UBXN7: variants seen among roughly 807,000 people sequenced by gnomAD.
UBXN7 encodes the protein UBX domain-containing protein 7.
A neutral mutation model predicts 58.0 loss-of-function variants in UBXN7; 9 were observed. The observed-to-expected ratio is 0.16, with a 90% CI of 0.09 to 0.27. The LOEUF is 0.27. Ranked by LOEUF, UBXN7 falls within the 10% of genes least tolerant of loss-of-function variation. UBXN7 has a pLI of 1.00. For missense variants in UBXN7, 328 were observed against 599.6 expected (o/e 0.55, Z 4.73); for synonymous variants, 208 against 205.0 (o/e 1.01, Z -0.12).
intron 3 of UBXN7, among the ~76,000 whole-genome samples, chr3:196,399,481 G>T (rs1729891064): frequency 1.3e-5 from 2 of 151,992 alleles, no homozygotes; most frequent in Admixed American, 1.3e-4. Context: ...CTGTTATACA[G>T]GCTGCAGTGC....
At chr3:196,369,326 C>G in intron 7 of UBXN7, 95 bp downstream of exon 7, 2 of 1,036,174 alleles carry the variant, frequency 1.9e-6, no homozygotes, top group Non-Finnish European at 2.9e-6. Context: ...TACTGCAATT[C>G]TGAAAACAGA....
intron 1 of UBXN7, among the ~76,000 whole-genome samples, chr3:196,418,167 G>A (rs1472138437): frequency 1.3e-5 from 2 of 151,960 alleles, no homozygotes; most frequent in Admixed American, 1.3e-4. Context: ...AACCCAGGAG[G>A]CAGAGGTTGC....
intron 6 of UBXN7, among the ~76,000 whole-genome samples, chr3:196,371,658 T>G (rs888605251): frequency 6.6e-6 from 1 of 152,142 alleles, no homozygotes; most frequent in Non-Finnish European, 1.5e-5. Context: ...ATTTTTTGTA[T>G]TTTTAGGAGA....
chr3:196,424,549 A>AT (rs1560245913), intron 1 of UBXN7, among the ~76,000 whole-genome samples: 1 of 149,460 alleles, frequency 6.7e-6, no homozygotes, highest in Non-Finnish European at 1.5e-5. Flanking sequence ...GGCCCAGTTA[A>AT]TTTTTTTTTA....
At chr3:196,379,079 T>C (rs1485161883) in intron 5 of UBXN7, among the ~76,000 whole-genome samples, 1 of 134,484 alleles carries the variant, frequency 7.4e-6, no homozygotes, top group African/African-American at 2.8e-5. Flanking sequence ...TGGGGGGTTT[T>C]AGCCAGCTTC....
At chr3:196,365,059 G>C (rs1577434728) in intron 8 of UBXN7, among the ~76,000 whole-genome samples, 1 of 118,574 alleles carries the variant, frequency 8.4e-6, no homozygotes, top group Non-Finnish European at 2.1e-5. Context: ...ATTCTCCTCT[G>C]ATTTCCTTAC....
intron 1 of UBXN7, 129 bp from the exon 2 acceptor site, chr3:196,407,522 T>C: frequency 7.6e-7 from 1 of 1,313,562 alleles, no homozygotes; most frequent in Non-Finnish European, 1.0e-6. Flanking sequence ...ATGACTTTCT[T>C]GTGAAATACA....
chr3:196,399,225 T>G (rs147977188), intron 3 of UBXN7, among the ~76,000 whole-genome samples: 2 of 152,252 alleles, frequency 1.3e-5, no homozygotes, highest in African/African-American at 2.4e-5. Context: ...AACTGTGTAC[T>G]CAAGGATCAG....
intron 7 of UBXN7, 151 bp from the exon 8 acceptor site, chr3:196,368,306 TC>T (rs1728724699): frequency 2.9e-6 from 2 of 690,242 alleles, no homozygotes; most frequent in South Asian, 4.0e-5. Flanking sequence ...AAAACCTGGA[TC>T]TATAAAGGTA....
At chr3:196,378,772 T>C (rs1387042164) in intron 5 of UBXN7, among the ~76,000 whole-genome samples, 2 of 151,700 alleles carry the variant, frequency 1.3e-5, no homozygotes, top group African/African-American at 2.4e-5. Context: ...CTTCTTTCCA[T>C]GTTGGTTTTG....
At chr3:196,404,466 G>A (rs780841692) in intron 2 of UBXN7, among the ~76,000 whole-genome samples, 22 of 151,962 alleles carry the variant, frequency 1.4e-4, no homozygotes, top group African/African-American at 3.4e-4. Context: ...GTTTCACTGC[G>A]TTAGCCAGGA....
At chr3:196,358,941 G>A (rs1015075513) in intron 10 of UBXN7, among the ~76,000 whole-genome samples, 2 of 151,826 alleles carry the variant, frequency 1.3e-5, no homozygotes, top group Admixed American at 1.3e-4. Context: ...GATTACAGGA[G>A]TGAGCCACTG....
intron 5 of UBXN7, among the ~76,000 whole-genome samples, chr3:196,374,035 CCTTATAGG>C (rs1418898051): frequency 6.6e-6 from 1 of 152,140 alleles, no homozygotes; most frequent in African/African-American, 2.4e-5. Context: ...CCATTTACTT[CCTTATAGG>C]ACAAAGATTT....
At chr3:196,404,725 A>G (rs528690346) in intron 2 of UBXN7, among the ~76,000 whole-genome samples, 19 of 152,364 alleles carry the variant, frequency 1.2e-4, no homozygotes, top group African/African-American at 4.6e-4. Context: ...GAAATTTCCA[A>G]TAAACCAAGT....
In UBXN7 at chr3:196,349,432, AT is replaced by A. The variant is rs1166512844; in HGVS notation, c.*7252del. 3 of 152,216 alleles carry A rather than the reference AT, an allele frequency of 2.0e-5. No individual in the cohort carries two copies. Among genetic ancestry groups the A allele is most frequent in the Non-Finnish European group, 4.4e-5 (3 of 68,042 alleles). 9.4% of individuals were successfully genotyped at this position (152,216 alleles called of 1,614,324 possible). Reference sequence around the variant, plus strand: ...TTATCAAAAAGTTATTGTTAAAAGCATATGATTAGTGTCATAAACATATTTA... The same window carrying A: ...TTATCAAAAAGTTATTGTTAAAAGCAATGATTAGTGTCATAAACATATTTA... On this transcript the variant is annotated 3_prime_UTR_variant, in exon 11 of 11. Coordinates refer to ENST00000296328, the MANE Select transcript of UBXN7 (RefSeq NM_015562.2).
At chr3:196,359,088 C>T (rs146596389) in intron 10 of UBXN7, among the ~76,000 whole-genome samples, 59 of 152,250 alleles carry the variant, frequency 3.9e-4, no homozygotes, top group African/African-American at 1.3e-3. Flanking sequence ...TGAAGGTCTG[C>T]GGCAACCTTG....
intron 5 of UBXN7, among the ~76,000 whole-genome samples, chr3:196,386,581 G>C (rs925859370): frequency 6.6e-6 from 1 of 151,984 alleles, no homozygotes; most frequent in Non-Finnish European, 1.5e-5. Flanking sequence ...AACAGACAAA[G>C]AGCCAAATCA....
At chr3:196,383,490 T>C (rs994972479) in intron 5 of UBXN7, among the ~76,000 whole-genome samples, 1 of 152,162 alleles carries the variant, frequency 6.6e-6, no homozygotes, top group Non-Finnish European at 1.5e-5. Flanking sequence ...ATCAACAGAA[T>C]ATACATTTCT....
rs554728533 is a variant in UBXN7, at chr3:196,385,768, G to A, written c.468+6045C>T. Among the ~76,000 whole-genome samples, 463 of 148,100 alleles carry A rather than the reference G, an allele frequency of 3.1e-3. 3 individuals are homozygous for A. Among genetic ancestry groups the A allele is most frequent in the African/African-American group, 0.011 (446 of 39,730 alleles). ...GGGAGGTGGGGGGCAGCCCCCACCCGGCCAGCCGCCCCGTCTGGGAAGTGG... is the reference window on the plus strand; with the variant it reads ...GGGAGGTGGGGGGCAGCCCCCACCCAGCCAGCCGCCCCGTCTGGGAAGTGG... On this transcript the variant is annotated intron_variant, in intron 5 of 10. Coordinates refer to ENST00000296328, the MANE Select transcript of UBXN7 (RefSeq NM_015562.2).
Sources: gnomAD v4.1 joint callset for allele counts (sites outside exome capture counted in the v4.1 genomes callset) on GRCh38, gnomAD v4.1.1 for gene constraint, MANE v1.5 for transcripts, NCBI Gene and HGNC (gene_info 2026-07-23, HGNC 2026-07-21) for gene names.